Variants in TBC1D16 observed in about 807,000 individuals in gnomAD.
TBC1D16 encodes TBC1 domain family member 16, also known as CTD-2529O21.1.
TBC1D16 carries 58 observed loss-of-function variants against 74.7 expected under a neutral mutation model. The ratio of observed to expected loss-of-function variants is 0.78; its 90% CI spans 0.63 to 0.97. The LOEUF (loss-of-function observed/expected upper bound fraction) is 0.97. TBC1D16 is among the 50% of genes least tolerant of loss of function. TBC1D16 has a pLI of 0.00. For missense variants in TBC1D16, 1,014 were observed against 1,079.5 expected (o/e 0.94, Z 0.85); for synonymous variants, 493 against 474.7 (o/e 1.04, Z -0.50).
In TBC1D16 at chr17:79,952,658, T is replaced by C. The variant is rs1380383037; in HGVS notation, c.940A>G (p.Ser314Gly). 5 of 1,592,526 alleles carry C rather than the reference T, an allele frequency of 3.1e-6. No individual in the cohort carries two copies. The highest frequency in any genetic ancestry group is 1.7e-4 in the Middle Eastern group (1 of 5,994). Residue 314 changes from serine (S) to glycine (G), a missense_variant and splice_region_variant, in exon 4 of 12, where the codon AGC becomes GGC. By Grantham distance (56) the Ser-to-Gly change is moderately conservative. Transcript: ENST00000310924. ...GHMRSLRLFF[S>G]DEACTSGQLV... is the part of the protein sequence containing the mutation. ...GAGGCGCCCAGAGATGCTTCCTACC[T>C]GAAGAAAAGGCGGAGGGAGCGCATG...
chr17:79,951,751 A>G (rs868088594), intron 4 of TBC1D16, among the ~76,000 whole-genome samples, 154 bp from the exon 5 acceptor site: 2 of 152,156 alleles, frequency 1.3e-5, no homozygotes, highest in Non-Finnish European at 2.9e-5. Context: ...AGGGGACAGA[A>G]CTACACCGAA....
chr17:80,019,080 C>A (rs1440423241), intron 1 of TBC1D16, among the ~76,000 whole-genome samples: 6 of 150,238 alleles, frequency 4.0e-5, no homozygotes, highest in Middle Eastern at 6.8e-3. Flanking sequence ...TCAGTGTGAT[C>A]GCTCCAGTTG....
rs1299760474 is a variant in TBC1D16 at position 79,985,974 on chromosome 17, A to G, written c.779+24186T>C. 2.6e-5 allele frequency among the ~76,000 whole-genome samples: 4 copies of G among 152,218 alleles called. No homozygotes were observed. Among genetic ancestry groups the G allele is most frequent in the Non-Finnish European group, 4.4e-5 (3 of 68,040 alleles). On this transcript the variant is annotated intron_variant, in intron 3 of 11. Transcript: ENST00000310924. The surrounding 1 kb of genome is among the most constrained non-coding windows in gnomAD (Gnocchi z 4.9). ...AGGTTATGAAAAACCATTTTTCCCA[A>G]CGAAACTCTTCTGCCAGGCGGCATA...
At chr17:80,028,854 C>T (rs1034142796) in intron 1 of TBC1D16, among the ~76,000 whole-genome samples, 4 of 152,014 alleles carry the variant, frequency 2.6e-5, no homozygotes, top group Non-Finnish European at 4.4e-5. Context: ...CCTCGTGATC[C>T]GCCTACCTCG....
chr17:79,976,271 T>C (rs1304817993), intron 3 of TBC1D16, among the ~76,000 whole-genome samples: 1 of 152,218 alleles, frequency 6.6e-6, no homozygotes, highest in African/African-American at 2.4e-5. Context: ...GCCCCTGCAC[T>C]GTCCCAGGCT....
chr17:79,952,920 G>A, intron 3 of TBC1D16, 102 bp from the exon 4 acceptor site: 1 of 1,380,746 alleles, frequency 7.2e-7, no homozygotes, highest in South Asian at 1.4e-5. Flanking sequence ...TACGCACCAA[G>A]CTTAAACACA....
intron 10 of TBC1D16, among the ~76,000 whole-genome samples, chr17:79,942,912 G>A (rs116864289): frequency 3.1e-3 from 469 of 152,354 alleles, no homozygotes; most frequent in Middle Eastern, 6.8e-3. Flanking sequence ...CCAGCAACGC[G>A]CTGTGTGCAG....
chr17:79,984,586 G>GAA (rs2034742141), intron 3 of TBC1D16, among the ~76,000 whole-genome samples: 6 of 115,366 alleles, frequency 5.2e-5, no homozygotes, highest in Non-Finnish European at 6.9e-5. Context: ...GAAAGAAAAA[G>GAA]AAAGAAAGAG....
intron 1 of TBC1D16, among the ~76,000 whole-genome samples, chr17:80,017,457 G>A (rs971778455): frequency 2.6e-5 from 4 of 152,002 alleles, no homozygotes; most frequent in African/African-American, 4.8e-5. Context: ...CTAGGTGGGC[G>A]GATCACCTGA....
chr17:79,980,876 A>G lies in TBC1D16; in HGVS notation c.780-28058T>C, dbSNP rs1940337986. Among the ~76,000 whole-genome samples the G allele has an allele frequency of 6.6e-6, 1 of 152,140 alleles. No homozygotes were observed. Among genetic ancestry groups the G allele is most frequent in the Admixed American group, 6.5e-5 (1 of 15,270 alleles). ...CTGCAGGCTGGAAGGGGAGCCTGTG[A>G]GTTGAGCCAGAGCTGACCGGGAGCT... On this transcript the variant is annotated intron_variant, in intron 3 of 11. Transcript: ENST00000310924. This position sits in a 1 kb window ranked among gnomAD's most constrained non-coding sequence, Gnocchi z 7.0.
chr17:80,015,585 C>T (rs968364793), intron 1 of TBC1D16, among the ~76,000 whole-genome samples: 32 of 152,112 alleles, frequency 2.1e-4, no homozygotes, highest in South Asian at 1.2e-3. Flanking sequence ...GGCTGGGAGA[C>T]GACAGCCACA....
chr17:80,012,599 T>A (rs1398279873), intron 2 of TBC1D16, among the ~76,000 whole-genome samples: 2 of 151,808 alleles, frequency 1.3e-5, no homozygotes, highest in Admixed American at 1.3e-4. Flanking sequence ...TTAATAGAGA[T>A]GAAATCTAAC....
Position 79,987,427 on chromosome 17 carries a change from T to G in TBC1D16, c.779+22733A>C, listed in dbSNP as rs2034884624. Among the ~76,000 whole-genome samples the G allele has an allele frequency of 6.6e-6, 1 of 151,890 alleles. No individual in the cohort carries two copies. The highest frequency in any genetic ancestry group is 2.4e-5 in the African/African-American group (1 of 41,314). On this transcript the variant is annotated intron_variant, in intron 3 of 11. Transcript: ENST00000310924. The surrounding 1 kb of genome is among the most constrained non-coding windows in gnomAD (Gnocchi z 5.2). Reference sequence around the variant, plus strand: ...ACGCCCAGCTAAATTTTTTATTTTTTATAGAGATGGGGTCTCGCTATGTTG... The same window carrying G: ...ACGCCCAGCTAAATTTTTTATTTTTGATAGAGATGGGGTCTCGCTATGTTG...
At chr17:80,024,493 ACCACACG>A in intron 1 of TBC1D16, among the ~76,000 whole-genome samples, 1 of 138,378 alleles carries the variant, frequency 7.2e-6, no homozygotes, top group East Asian at 2.2e-4. Flanking sequence ...ATAGACACAC[ACCACACG>A]CACCATAGAC....
At chr17:79,998,663 G>A (rs1460753343) in intron 3 of TBC1D16, among the ~76,000 whole-genome samples, 3 of 151,756 alleles carry the variant, frequency 2.0e-5, no homozygotes, top group African/African-American at 7.3e-5. Flanking sequence ...CTTCTTCCAC[G>A]TAGCAATGTA....
Position 79,980,302 on chromosome 17 carries a change from C to T in TBC1D16, c.780-27484G>A, listed in dbSNP as rs1166962664. Among the ~76,000 whole-genome samples, 1 of 152,192 alleles carries T rather than the reference C, an allele frequency of 6.6e-6. No individual in the cohort carries two copies. Among genetic ancestry groups the T allele is most frequent in the Non-Finnish European group, 1.5e-5 (1 of 68,034 alleles). On this transcript the variant is annotated intron_variant, in intron 3 of 11. Coordinates refer to ENST00000310924, the MANE Select transcript of TBC1D16 (RefSeq NM_019020.4). This position sits in a 1 kb window ranked among gnomAD's most constrained non-coding sequence, Gnocchi z 7.0. ...TTTTTCAGGCTTGCAGCCCAAATTCCCCTTCTCTCTTGGCTTCACGGCACG... is the reference window on the plus strand; with the variant it reads ...TTTTTCAGGCTTGCAGCCCAAATTCTCCTTCTCTCTTGGCTTCACGGCACG...
rs1440017967 is a variant in TBC1D16 at position 79,950,322 on chromosome 17, C to G, written c.1257+89G>C. 7 of 1,429,004 alleles carry G rather than the reference C, an allele frequency of 4.9e-6. No individual in the cohort carries two copies. The highest frequency in any genetic ancestry group is 6.4e-6 in the Non-Finnish European group (7 of 1,086,334). 88.5% of individuals were successfully genotyped at this position (1,429,004 alleles called of 1,614,324 possible). ...GAGGTGGCCCGTGGGTGCGGGCGGG[C>G]GGCCAGGCCCCGGCCCTCCTTCCCT... On this transcript the variant is annotated intron_variant, in intron 6 of 11. Coordinates refer to ENST00000310924, the MANE Select transcript of TBC1D16 (RefSeq NM_019020.4). The surrounding 1 kb of genome is among the most constrained non-coding windows in gnomAD (Gnocchi z 4.6).
In TBC1D16 at chr17:79,987,807, C is replaced by T. The variant is rs1033998825; in HGVS notation, c.779+22353G>A. Reference sequence around the variant, plus strand: ...AGAGTTTAGGGGCTCCTACAAACAGCGGCTTACGGGCTGGTGAGGAATTTC... The same window carrying T: ...AGAGTTTAGGGGCTCCTACAAACAGTGGCTTACGGGCTGGTGAGGAATTTC... On this transcript the variant is annotated intron_variant, in intron 3 of 11. Transcript: ENST00000310924. This position sits in a 1 kb window ranked among gnomAD's most constrained non-coding sequence, Gnocchi z 5.2. 6.8e-6 allele frequency among the ~76,000 whole-genome samples: 1 copy of T among 147,914 alleles called. No homozygotes were observed. Among genetic ancestry groups the T allele is most frequent in the Non-Finnish European group, 1.5e-5 (1 of 67,602 alleles).
At chr17:79,964,551 G>A (rs1240587670) in intron 3 of TBC1D16, among the ~76,000 whole-genome samples, 1 of 152,100 alleles carries the variant, frequency 6.6e-6, no homozygotes, top group Admixed American at 6.5e-5. Context: ...TGGGGGTGAT[G>A]GATCTGTTCA....
Sources: gnomAD v4.1 joint callset for allele counts (sites outside exome capture counted in the v4.1 genomes callset) on GRCh38, gnomAD v4.1.1 for gene constraint, Gnocchi (gnomAD v3.1) non-coding constraint, MANE v1.5 for transcripts, NCBI Gene and HGNC (gene_info 2026-07-23, HGNC 2026-07-21) for gene names.